Variants in WWC2 observed in about 807,000 individuals in gnomAD.
The protein encoded by WWC2 is protein WWC2.
In WWC2, 101 loss-of-function variants were observed where a neutral mutation model predicts 138.5. The observed-to-expected ratio is 0.73, with a 90% CI of 0.62 to 0.86. The LOEUF (loss-of-function observed/expected upper bound fraction) is 0.86. Ranked by LOEUF, WWC2 falls within the 40% of genes least tolerant of loss-of-function variation. The probability of loss-of-function intolerance (pLI) is 0.00; values close to 1 mark genes in which losing one functional copy is unlikely to be tolerated. For missense variants in WWC2, 1,420 were observed against 1,419.4 expected (o/e 1.00, Z -0.01); for synonymous variants, 558 against 538.4 (o/e 1.04, Z -0.50).
chr4:183,210,542 G>T (rs1002798010), intron 4 of WWC2, among the ~76,000 whole-genome samples: 3 of 152,134 alleles, frequency 2.0e-5, no homozygotes, highest in South Asian at 2.1e-4. Flanking sequence ...ATAACATCAT[G>T]TTGTAAGCCT....
intron 4 of WWC2, among the ~76,000 whole-genome samples, chr4:183,218,603 C>A (rs571194907): frequency 6.6e-6 from 1 of 152,244 alleles, no homozygotes; most frequent in African/African-American, 2.4e-5. Context: ...CATGGGCTGA[C>A]AAACTGGAGG....
At chr4:183,247,233 CCTA>C (rs1736806539) in intron 6 of WWC2, among the ~76,000 whole-genome samples, 1 of 151,832 alleles carries the variant, frequency 6.6e-6, no homozygotes, top group Non-Finnish European at 1.5e-5. Context: ...CAGAAATATG[CCTA>C]CTCTTAAACT....
At chr4:183,197,186 C>T (rs1735168436) in intron 2 of WWC2, among the ~76,000 whole-genome samples, 1 of 152,116 alleles carries the variant, frequency 6.6e-6, no homozygotes, top group Non-Finnish European at 1.5e-5. Context: ...TTTAAAACTT[C>T]ACTATTAGAA....
At chr4:183,164,922 A>G (rs1734089846) in intron 1 of WWC2, among the ~76,000 whole-genome samples, 2 of 152,198 alleles carry the variant, frequency 1.3e-5, no homozygotes, top group Admixed American at 6.5e-5. Flanking sequence ...GGCATTTAGT[A>G]AACTAGAGGT....
chr4:183,133,531 C>G lies in WWC2; in HGVS notation c.131+33909C>G, dbSNP rs187648672. On this transcript the variant is annotated intron_variant, in intron 1 of 22. Coordinates refer to ENST00000403733, the MANE Select transcript of WWC2 (RefSeq NM_024949.6). ...TTTCTTTTTGAGACGGAGCCTTGCC[C>G]TGTCGCCCAGGCTGGAGTGCAATGG... Among the ~76,000 whole-genome samples the G allele has an allele frequency of 3.3e-3, 510 of 152,264 alleles. 3 individuals are homozygous for G. Among genetic ancestry groups the G allele is most frequent in the Admixed American group, 0.012 (182 of 15,288 alleles).
chr4:183,283,538 C>T (rs1462445514), intron 18 of WWC2, among the ~76,000 whole-genome samples: 1 of 152,200 alleles, frequency 6.6e-6, no homozygotes, highest in African/African-American at 2.4e-5. Context: ...TGAGAACTTC[C>T]TTTCTCAAAG....
intron 1 of WWC2, among the ~76,000 whole-genome samples, chr4:183,124,533 T>A (rs1417413858): frequency 2.0e-5 from 3 of 150,118 alleles, no homozygotes; most frequent in Non-Finnish European, 4.4e-5. Flanking sequence ...TTTTCCTTTT[T>A]CTCTTTTTTT....
intron 1 of WWC2, among the ~76,000 whole-genome samples, chr4:183,154,026 A>AAAAAAAAAAC (rs1561438959): frequency 2.7e-5 from 4 of 145,656 alleles, no homozygotes; most frequent in African/African-American, 8.2e-5. Flanking sequence ...AAAAAAAAAA[A>AAAAAAAAAAC]AACCCCAAAT....
chr4:183,139,373 C>G (rs1733220563), intron 1 of WWC2, among the ~76,000 whole-genome samples: 3 of 152,184 alleles, frequency 2.0e-5, no homozygotes, highest in African/African-American at 7.2e-5. Flanking sequence ...GCCTACTTGA[C>G]AGGTCTACTT....
chr4:183,259,566 A>G lies in WWC2; in HGVS notation c.1197-73A>G, dbSNP rs528180143. On this transcript the variant is annotated intron_variant, in intron 9 of 22. Transcript: ENST00000403733. ...CCTTGTGATCTGTAATGTTTGTACA[A>G]TGAGAATCTTTCTTTCCTTTTAGTT... 2.8e-5 allele frequency: 33 copies of G among 1,165,686 alleles called. No individual in the cohort carries two copies. The African/African-American group carries it at 3.1e-4, about 11-fold the overall frequency. 72.2% of individuals were successfully genotyped at this position (1,165,686 alleles called of 1,614,324 possible).
At chr4:183,315,428 CG>C (rs1413283537) in intron 22 of WWC2, among the ~76,000 whole-genome samples, 2 of 152,100 alleles carry the variant, frequency 1.3e-5, no homozygotes, top group African/African-American at 4.8e-5. Context: ...AGGGAACTTA[CG>C]GGCTTGGTCT....
chr4:183,177,154 C>A lies in WWC2; in HGVS notation c.132-16445C>A, dbSNP rs151186572. On this transcript the variant is annotated intron_variant, in intron 1 of 22. Coordinates refer to ENST00000403733, the MANE Select transcript of WWC2 (RefSeq NM_024949.6). ...AGCATTAAAGAAATCAACTGTATGC[C>A]ATGATAGATAGTGACTACTTTAGAT... 2.0e-4 allele frequency among the ~76,000 whole-genome samples: 31 copies of A among 152,256 alleles called. No homozygotes were observed. In the East Asian group the frequency reaches 5.4e-3, roughly 27 times the overall value.
chr4:183,312,278 A>G, intron 21 of WWC2, 63 bp from the exon 22 acceptor site: 4 of 1,588,232 alleles, frequency 2.5e-6, no homozygotes, highest in Non-Finnish European at 3.4e-6. Context: ...GCTTCATAGG[A>G]TGTCTCCAGG....
chr4:183,151,802 T>C (rs1459049196), intron 1 of WWC2, among the ~76,000 whole-genome samples: 1 of 152,222 alleles, frequency 6.6e-6, no homozygotes, highest in Non-Finnish European at 1.5e-5. Flanking sequence ...AGGGAATCCT[T>C]TCAACATTTC....
chr4:183,100,042 G>GCAT (rs768578180), intron 1 of WWC2, among the ~76,000 whole-genome samples: 9 of 152,226 alleles, frequency 5.9e-5, no homozygotes, highest in Non-Finnish European at 1.5e-5. Context: ...GCCACCTGTG[G>GCAT]CATCCCTCAG....
chr4:183,119,439 A>G (rs1395218169), intron 1 of WWC2, among the ~76,000 whole-genome samples: 1 of 152,156 alleles, frequency 6.6e-6, no homozygotes, highest in Non-Finnish European at 1.5e-5. Context: ...ACTATTGAGA[A>G]TGAACCCTGA....
rs535196104 is a variant in WWC2, at chr4:183,254,212, G to C, written c.1196+213G>C. ...TTAGGAACGTGCAAAACCTGTGACA[G>C]ATGTTGAATAACTAAGGAATGCTGA... On this transcript the variant is annotated intron_variant, in intron 9 of 22. Transcript: ENST00000403733. Among the ~76,000 whole-genome samples, 410 of 152,312 alleles carry C rather than the reference G, an allele frequency of 2.7e-3. 1 individual carries two copies. Among genetic ancestry groups the C allele is most frequent in the Non-Finnish European group, 4.5e-3 (304 of 68,018 alleles).
At chr4:183,136,719 T>G (rs1733125666) in intron 1 of WWC2, among the ~76,000 whole-genome samples, 1 of 152,232 alleles carries the variant, frequency 6.6e-6, no homozygotes, top group African/African-American at 2.4e-5. Context: ...TAAAACATTA[T>G]GAGATATTTT....
chr4:183,203,336 T>TAAGGG (rs1735355048), intron 2 of WWC2, among the ~76,000 whole-genome samples: 1 of 152,042 alleles, frequency 6.6e-6, no homozygotes, highest in Non-Finnish European at 1.5e-5. Flanking sequence ...CCTCAGCCCT[T>TAAGGG]CTGAGGTACC....
Sources: gnomAD v4.1 joint callset for allele counts (sites outside exome capture counted in the v4.1 genomes callset) on GRCh38, gnomAD v4.1.1 for gene constraint, MANE v1.5 for transcripts, NCBI Gene and HGNC (gene_info 2026-07-23, HGNC 2026-07-21) for gene names.